The following PVT1 variants were observed in gnomAD, a reference collection of about 807,000 sequenced individuals.
PVT1 encodes Pvt1 oncogene, also known as CXCR4/PVT1 fusion.
intron 3 of PVT1, among the ~76,000 whole-genome samples, chr8:127,899,402 A>G (rs1815731154): frequency 6.6e-6 from 1 of 152,144 alleles, no homozygotes. Context: ...AGTCAGACTG[A>G]CTTTGTGACT....
At chr8:127,858,447 T>TAAAA (rs1270213133) in intron 2 of PVT1, among the ~76,000 whole-genome samples, 48 of 151,490 alleles carry the variant, frequency 3.2e-4, no homozygotes, top group African/African-American at 7.7e-4. Flanking sequence ...AATAAATAAA[T>TAAAA]AAAAGATGGT....
chr8:127,910,249 G>A (rs1815878404), intron 3 of PVT1, among the ~76,000 whole-genome samples: 2 of 152,170 alleles, frequency 1.3e-5, no homozygotes, highest in African/African-American at 2.4e-5. Flanking sequence ...GGAAGCGGGG[G>A]CAGTTGTGTG....
rs548343431 is a variant in PVT1 at position 128,040,626 on chromosome 8, C to T, written n.913-29534C>T. Among the ~76,000 whole-genome samples the T allele has an allele frequency of 4.6e-5, 7 of 152,302 alleles. No homozygotes were observed. The South Asian group carries it at 1.5e-3, about 32-fold the overall frequency. ...TTTAAGCCTTAAATATGAGCGTGAT[C>T]ATCAAGAGACAATTGTGGGCAGAGA... On this transcript the variant is annotated intron_variant and non_coding_transcript_variant, in intron 4 of 10. Transcript: ENST00000651587.
At chr8:127,919,587 C>T (rs539725594) in intron 3 of PVT1, among the ~76,000 whole-genome samples, 20 of 152,284 alleles carry the variant, frequency 1.3e-4, no homozygotes, top group African/African-American at 4.1e-4. Context: ...GCTCTATTGG[C>T]GACTGTGGCA....
At chr8:127,963,175 C>T (rs1009284467) in intron 3 of PVT1, among the ~76,000 whole-genome samples, 12 of 152,194 alleles carry the variant, frequency 7.9e-5, no homozygotes, top group East Asian at 1.9e-4. Context: ...ACCCCTCGCA[C>T]GGCAGCCTTC....
intron 2 of PVT1, among the ~76,000 whole-genome samples, chr8:127,889,032 CTTTCTTT>C (rs1815561662): frequency 1.5e-5 from 1 of 67,966 alleles, no homozygotes; most frequent in African/African-American, 6.1e-5. Context: ...TCCTTTCTCT[CTTTCTTT>C]CTTCCTTCCT....
rs558696831 is a variant in PVT1, at chr8:128,027,582, A to G, written n.912+38291A>G. Among the ~76,000 whole-genome samples, 42 of 152,322 alleles carry G rather than the reference A, an allele frequency of 2.8e-4. No individual in the cohort carries two copies. The East Asian group carries it at 7.3e-3, about 27-fold the overall frequency. On this transcript the variant is annotated intron_variant and non_coding_transcript_variant, in intron 4 of 10. Transcript: ENST00000651587. ...CAGTGATGGAATCACCAGGGAGCCCAGGCATCGTGTCTATGCTCTGTGCCA... is the reference window on the plus strand; with the variant it reads ...CAGTGATGGAATCACCAGGGAGCCCGGGCATCGTGTCTATGCTCTGTGCCA...
chr8:127,945,760 A>G (rs903375613), intron 3 of PVT1, among the ~76,000 whole-genome samples: 6 of 152,174 alleles, frequency 3.9e-5, no homozygotes, highest in Non-Finnish European at 8.8e-5. Context: ...TCTTTGGAAA[A>G]TAATCACATC....
chr8:127,908,687 C>G (rs1586431303), intron 3 of PVT1, among the ~76,000 whole-genome samples: 1 of 152,192 alleles, frequency 6.6e-6, no homozygotes, highest in Middle Eastern at 3.4e-3. Flanking sequence ...CTAAACACCC[C>G]CATTGTCTGG....
Position 127,811,583 on chromosome 8 carries a change from G to A in PVT1, n.372+15512G>A, listed in dbSNP as rs375507534. Reference sequence around the variant, plus strand: ...ATTTTTCCCTCAGAACTGTTTGTATGTAATGCTATTCTGAATTGCTTCAGT... The same window carrying A: ...ATTTTTCCCTCAGAACTGTTTGTATATAATGCTATTCTGAATTGCTTCAGT... On this transcript the variant is annotated intron_variant and non_coding_transcript_variant, in intron 2 of 10. Transcript: ENST00000651587. Among the ~76,000 whole-genome samples the A allele has an allele frequency of 5.3e-5, 8 of 152,350 alleles. No homozygotes were observed. In the East Asian group the frequency reaches 1.5e-3, roughly 29 times the overall value.
chr8:127,816,048 C>CG (rs766091988), intron 2 of PVT1, among the ~76,000 whole-genome samples: 5 of 152,128 alleles, frequency 3.3e-5, no homozygotes, highest in Non-Finnish European at 5.9e-5. Flanking sequence ...CTCTTGAACC[C>CG]GGGAGGCGGA....
chr8:128,063,805 T>C (rs992321194), intron 4 of PVT1, among the ~76,000 whole-genome samples: 1 of 152,210 alleles, frequency 6.6e-6, no homozygotes, highest in South Asian at 2.1e-4. Flanking sequence ...TAGTTAATAA[T>C]GTGTTGTATT....
chr8:127,894,952 A>G (rs892265312), intron 3 of PVT1, among the ~76,000 whole-genome samples: 1 of 152,250 alleles, frequency 6.6e-6, no homozygotes, highest in Non-Finnish European at 1.5e-5. Context: ...TGAAAACAAT[A>G]AGGATCCCAG....
chr8:127,997,260 C>T (rs559674004), intron 4 of PVT1, among the ~76,000 whole-genome samples: 20 of 151,886 alleles, frequency 1.3e-4, no homozygotes, highest in African/African-American at 4.3e-4. Context: ...AGGCTGGTCT[C>T]GAACTCCTGA....
At chr8:127,900,508 T>A (rs1815745770) in intron 3 of PVT1, among the ~76,000 whole-genome samples, 1 of 152,230 alleles carries the variant, frequency 6.6e-6, no homozygotes, top group African/African-American at 2.4e-5. Context: ...TGAAGATCAC[T>A]GGTAGCACCA....
intron 2 of PVT1, among the ~76,000 whole-genome samples, chr8:127,877,808 C>G (rs1815421747): frequency 6.6e-6 from 1 of 152,124 alleles, no homozygotes; most frequent in Admixed American, 6.5e-5. Context: ...CACCCGTAGT[C>G]CCAGCTACTC....
chr8:128,011,510 G>A (rs141043198), intron 4 of PVT1, among the ~76,000 whole-genome samples: 1 of 152,278 alleles, frequency 6.6e-6, no homozygotes, highest in East Asian at 1.9e-4. Context: ...CACAATGCAA[G>A]GAGAGGGCCC....
At chr8:128,001,122 C>G (rs1324507574) in intron 4 of PVT1, among the ~76,000 whole-genome samples, 1 of 152,190 alleles carries the variant, frequency 6.6e-6, no homozygotes, top group Non-Finnish European at 1.5e-5. Context: ...CCACTGCCCC[C>G]CACCCCACCG....
chr8:127,880,131 G>A (rs1815448735), intron 2 of PVT1, among the ~76,000 whole-genome samples: 1 of 152,206 alleles, frequency 6.6e-6, no homozygotes, highest in African/African-American at 2.4e-5. Flanking sequence ...TTATGGACAT[G>A]TCCTGCTTCT....
Sources: gnomAD v4.1 joint callset for allele counts (sites outside exome capture counted in the v4.1 genomes callset) on GRCh38, gnomAD v4.1.1 for gene constraint, MANE v1.5 for transcripts, NCBI Gene and HGNC (gene_info 2026-07-23, HGNC 2026-07-21) for gene names.